RYR3: variants seen among roughly 807,000 people sequenced by gnomAD.
RYR3 encodes brain ryanodine receptor-calcium release channel.
Under a neutral mutation model 584.3 loss-of-function variants are expected in RYR3, and 207 were observed. The ratio of observed to expected loss-of-function variants is 0.35; its 90% CI spans 0.32 to 0.40. The LOEUF is 0.40. Ranked by LOEUF, RYR3 falls within the 10% of genes least tolerant of loss-of-function variation. The pLI is 1.00. For synonymous variants in RYR3, 2,416 were observed against 2,248.5 expected, an observed-to-expected ratio of 1.07 and a Z score of -2.11; for missense variants, 5,616 against 6,089.2, an observed-to-expected ratio of 0.92 and a Z score of 2.59.
intron 1 of RYR3, among the ~76,000 whole-genome samples, chr15:33,414,570 G>A (rs1345196540): frequency 2.0e-5 from 3 of 152,282 alleles, no homozygotes; most frequent in South Asian, 2.1e-4. Flanking sequence ...GTGACAGGAT[G>A]TGTCATGTCT....
intron 45 of RYR3, among the ~76,000 whole-genome samples, chr15:33,725,993 A>C (rs10645235): frequency 0.038 from 3,032 of 78,810 alleles, 366 homozygotes; most frequent in African/African-American, 0.081. Context: ...AAAAAAAAAA[A>C]AAAACAGAAT....
At chr15:33,815,547 T>C (rs2076771281) in intron 74 of RYR3, 1 of 243,728 alleles carries the variant, frequency 4.1e-6, no homozygotes, top group South Asian at 1.8e-4. Context: ...TTACTCTGTA[T>C]GGGTAAGAGT....
chr15:33,433,197 C>T (rs1236363198), intron 1 of RYR3, among the ~76,000 whole-genome samples: 1 of 152,166 alleles, frequency 6.6e-6, no homozygotes, highest in Non-Finnish European at 1.5e-5. Flanking sequence ...AGCATAAAAA[C>T]TGCCACCTGG....
At chr15:33,788,541 G>C (rs781289949) in intron 67 of RYR3, 83 bp downstream of exon 67, 34 of 1,511,596 alleles carry the variant, frequency 2.2e-5, no homozygotes, top group East Asian at 4.6e-5. Flanking sequence ...GATGGTGTTG[G>C]GTTGTTAACA....
At position 33,821,283 on chromosome 15, in the gene RYR3, A is replaced by T. The variant is rs1316205507; in HGVS notation, c.10829A>T (p.Glu3610Val). The change falls in exon 79 of 104, where the codon GAG becomes GTG. Residue 3610 changes from glutamate (E) to valine (V), a missense_variant. By Grantham distance (121) the Glu-to-Val change is moderately radical (BLOSUM62 -2). This residue lies in a region of RYR3 where 954 missense variants were observed against 1,132.2 expected (regional missense o/e 0.84). Transcript: ENST00000634891. ...KEKTFEEKEMEKQKTLYQQAR... is the reference protein window; with the variant it reads ...KEKTFEEKEMVKQKTLYQQAR... ...TTTTCCCCCCAGGAGAAAGAGATGG[A>T]GAAGCAAAAAACCCTCTATCAGCAA... is the stretch of plus-strand genomic sequence containing the variant. 8 of 1,596,066 alleles carry T rather than the reference A, an allele frequency of 5.0e-6. No homozygotes were observed. Among genetic ancestry groups the T allele is most frequent in the Non-Finnish European group, 6.8e-6 (8 of 1,171,418 alleles).
intron 1 of RYR3, among the ~76,000 whole-genome samples, chr15:33,347,532 C>T (rs532688252): frequency 3.3e-5 from 5 of 151,678 alleles, no homozygotes; most frequent in East Asian, 2.0e-4. Flanking sequence ...CTGCAAGCTC[C>T]GCCTCCCGGG....
At chr15:33,382,995 T>C (rs1046344208) in intron 1 of RYR3, among the ~76,000 whole-genome samples, 1 of 152,134 alleles carries the variant, frequency 6.6e-6, no homozygotes, top group Admixed American at 6.5e-5. Context: ...CTAGAATGAC[T>C]TAGCACCTCT....
chr15:33,804,410 C>T (rs2076076281), intron 69 of RYR3, among the ~76,000 whole-genome samples: 1 of 152,188 alleles, frequency 6.6e-6, no homozygotes, highest in East Asian at 1.9e-4. Context: ...GAAGCTAAGT[C>T]TTGCCCCTGG....
chr15:33,860,212 G>A (rs559880768), intron 100 of RYR3, among the ~76,000 whole-genome samples: 2 of 152,302 alleles, frequency 1.3e-5, no homozygotes, highest in East Asian at 3.9e-4. Flanking sequence ...GGTGTTGAGG[G>A]CTAAGAAGTG....
At chr15:33,836,653 G>C (rs2078072289) in intron 87 of RYR3, among the ~76,000 whole-genome samples, 1 of 152,186 alleles carries the variant, frequency 6.6e-6, no homozygotes, top group African/African-American at 2.4e-5. Context: ...ACAACACTTG[G>C]TATATCTGCC....
chr15:33,665,698 A>G (rs1232347007), intron 36 of RYR3, among the ~76,000 whole-genome samples: 3 of 152,252 alleles, frequency 2.0e-5, no homozygotes, highest in Non-Finnish European at 2.9e-5. Flanking sequence ...GTCTAAAAGC[A>G]GCTTGACAAC....
At chr15:33,857,988 A>C in intron 99 of RYR3, 74 bp downstream of exon 99, 4 of 1,588,152 alleles carry the variant, frequency 2.5e-6, no homozygotes, top group Non-Finnish European at 3.4e-6. Context: ...ACTGGGAAGA[A>C]GGGCTGTGTG....
intron 2 of RYR3, among the ~76,000 whole-genome samples, chr15:33,497,117 G>A (rs1185606979): frequency 1.3e-5 from 2 of 152,154 alleles, no homozygotes; most frequent in African/African-American, 2.4e-5. Context: ...CTCCTTTTGT[G>A]GAGAATACGC....
intron 3 of RYR3, among the ~76,000 whole-genome samples, chr15:33,510,048 C>A (rs141404345): frequency 1.3e-5 from 2 of 152,122 alleles, no homozygotes; most frequent in African/African-American, 4.8e-5. Context: ...TTTTTATACT[C>A]GCAAAATAAC....
intron 66 of RYR3, 82 bp from the exon 67 acceptor site, chr15:33,788,136 G>A (rs1472642210): frequency 2.1e-5 from 33 of 1,560,594 alleles, no homozygotes; most frequent in Admixed American, 3.4e-5. Flanking sequence ...GGGATTCCAC[G>A]GCCTCACCTT....
At chr15:33,582,408 A>G (rs1294004578) in intron 14 of RYR3, among the ~76,000 whole-genome samples, 1 of 152,172 alleles carries the variant, frequency 6.6e-6, no homozygotes, top group Non-Finnish European at 1.5e-5. Flanking sequence ...CCTATTCCCC[A>G]GCTTAGGGTT....
rs370136053 is a variant in RYR3, at chr15:33,636,391, C to A, written c.3397C>A (p.Gln1133Lys). 2.5e-6 allele frequency: 4 copies of A among 1,613,780 alleles called. No individual in the cohort carries two copies. In the African/African-American group the frequency reaches 5.3e-5, roughly 22 times the overall value. The change falls in exon 27 of 104, where the codon CAA (glutamine) becomes AAA (lysine). Residue 1133 changes from glutamine (Q) to lysine (K), a missense_variant. By Grantham distance (53) the Gln-to-Lys change is moderately conservative (BLOSUM62 1). Coordinates refer to ENST00000634891, the MANE Select transcript of RYR3 (RefSeq NM_001036.6). ...FEGNRGQRWHQGSGYFGRTWQ... is the reference protein window; with the variant it reads ...FEGNRGQRWHKGSGYFGRTWQ... ...TGTTTTCTAGGGCCAGCGTTGGCATCAAGGAAGTGGGTATTTTGGGCGTAC... is the reference window on the plus strand; with the variant it reads ...TGTTTTCTAGGGCCAGCGTTGGCATAAAGGAAGTGGGTATTTTGGGCGTAC...
intron 2 of RYR3, among the ~76,000 whole-genome samples, chr15:33,480,278 G>A (rs566621595): frequency 9.2e-5 from 14 of 152,304 alleles, no homozygotes; most frequent in African/African-American, 3.1e-4. Flanking sequence ...GTGGGCAAAT[G>A]ACTTTACTGC....
chr15:33,813,631 G>A (rs1317624196), intron 74 of RYR3, 52 bp downstream of exon 74: 5 of 1,371,870 alleles, frequency 3.6e-6, no homozygotes, highest in East Asian at 4.6e-5. Flanking sequence ...GGGAATGGAG[G>A]TATCCTCCCA....
Sources: allele counts gnomAD v4.1 joint callset (sites outside exome capture counted in the v4.1 genomes callset), GRCh38; gene constraint gnomAD v4.1.1; regional missense constraint gnomAD v4.1.1; transcripts MANE v1.5; gene names NCBI Gene and HGNC (gene_info 2026-07-23, HGNC 2026-07-21).